TSHZ1: variants seen among roughly 807,000 people sequenced by gnomAD.
The protein encoded by TSHZ1 is teashirt homolog 1.
In TSHZ1, 12 loss-of-function variants were observed where a neutral mutation model predicts 67.1. That is an observed-to-expected ratio of 0.18 (90% CI 0.11 to 0.29). The LOEUF (loss-of-function observed/expected upper bound fraction) is 0.29. TSHZ1 is among the 10% of genes least tolerant of loss of function. TSHZ1 has a pLI of 1.00. For missense variants in TSHZ1, 1,305 were observed against 1,413.9 expected, an observed-to-expected ratio of 0.92 and a Z score of 1.23; for synonymous variants, 632 against 622.4, an observed-to-expected ratio of 1.02 and a Z score of -0.23.
chr18:75,288,642 C>T lies in TSHZ1; in HGVS notation c.*1C>T, dbSNP rs765227721. 55 of 1,583,396 alleles carry T rather than the reference C, an allele frequency of 3.5e-5. No individual in the cohort carries two copies. The highest frequency in any genetic ancestry group is 3.9e-5 in the Non-Finnish European group (45 of 1,165,170). ...TGTGACTGAGTTGGAGAAACAGTAG[C>T]GTCCAGGTATGCAAGAGACCGCGGA... On this transcript the variant is annotated 3_prime_UTR_variant, in exon 2 of 2. Coordinates refer to ENST00000580243, the MANE Select transcript of TSHZ1 (RefSeq NM_001308210.2). This position sits in a 1 kb window ranked among gnomAD's most constrained non-coding sequence, Gnocchi z 4.9.
At chr18:75,244,913 T>C (rs1420613538) in intron 1 of TSHZ1, among the ~76,000 whole-genome samples, 1 of 152,152 alleles carries the variant, frequency 6.6e-6, no homozygotes, top group Non-Finnish European at 1.5e-5. Context: ...CAGCCCTAAA[T>C]ATGTGAACGT....
At chr18:75,231,577 C>G (rs921337360) in intron 1 of TSHZ1, among the ~76,000 whole-genome samples, 1 of 152,206 alleles carries the variant, frequency 6.6e-6, no homozygotes, top group Non-Finnish European at 1.5e-5. Flanking sequence ...GCTCTGTCCC[C>G]AGGCTGGAGT....
rs184763109 is a variant in TSHZ1, at chr18:75,285,728, G to A, written c.321G>A (p.Ser107=). 4.8e-5 allele frequency: 77 copies of A among 1,613,988 alleles called. No homozygotes were observed. Among genetic ancestry groups the A allele is most frequent in the Middle Eastern group, 1.6e-4 (1 of 6,062 alleles). The change falls in exon 2 of 2, where the codon TCG becomes TCA. Residue 107 remains serine (S), a synonymous_variant. Transcript: ENST00000580243. The stretch of plus-strand genomic sequence containing the variant: ...ATCCGCAGTGTCCCGACAGCGTCTC[G>A]TACCCCCAGGACAGCCTGGCACAGA... The part of the protein sequence containing the change: ...KEDPQCPDSV[S]YPQDSLAQIK...
chr18:75,264,982 G>A (rs934804470), intron 1 of TSHZ1, among the ~76,000 whole-genome samples: 1 of 152,184 alleles, frequency 6.6e-6, no homozygotes, highest in Non-Finnish European at 1.5e-5. Flanking sequence ...GTGTTATTAA[G>A]AGAGATTTTT....
At chr18:75,268,129 C>A (rs528631880) in intron 1 of TSHZ1, among the ~76,000 whole-genome samples, 1 of 152,304 alleles carries the variant, frequency 6.6e-6, no homozygotes, top group South Asian at 2.1e-4. Flanking sequence ...TGCTGACTTG[C>A]ACTTTTCTTG....
Position 75,269,852 on chromosome 18 carries a change from GTC to G in TSHZ1, c.41-15592_41-15591del, listed in dbSNP as rs138755091. On this transcript the variant is annotated intron_variant, in intron 1 of 1. Transcript: ENST00000580243. ...CCCAGCAGCCACCGTTCTACCTTCTGTCTCTGTGATGAAGCCTGAGTCGACGT... is the reference window on the plus strand; with the variant it reads ...CCCAGCAGCCACCGTTCTACCTTCTGTCTGTGATGAAGCCTGAGTCGACGT... Among the ~76,000 whole-genome samples, 406 of 152,196 alleles carry G rather than the reference GTC, an allele frequency of 2.7e-3. 3 individuals are homozygous for G. The highest frequency in any genetic ancestry group is 9.2e-3 in the African/African-American group (384 of 41,516).
At chr18:75,228,775 C>G (rs1413784630) in intron 1 of TSHZ1, among the ~76,000 whole-genome samples, 1 of 152,170 alleles carries the variant, frequency 6.6e-6, no homozygotes, top group African/African-American at 2.4e-5. Flanking sequence ...GTCCTCACAT[C>G]TCTAGTCCTT....
intron 1 of TSHZ1, among the ~76,000 whole-genome samples, chr18:75,217,189 GT>G (rs1420185766): frequency 2.0e-5 from 3 of 152,214 alleles, no homozygotes; most frequent in Non-Finnish European, 4.4e-5. Context: ...GGGCTGCTTG[GT>G]TCTTATGAAC....
At chr18:75,261,851 CAACTT>C (rs767654312) in intron 1 of TSHZ1, among the ~76,000 whole-genome samples, 11 of 152,302 alleles carry the variant, frequency 7.2e-5, no homozygotes, top group Non-Finnish European at 1.3e-4. Context: ...CCTTACAAAT[CAACTT>C]AAAGTGTAAT....
intron 1 of TSHZ1, among the ~76,000 whole-genome samples, chr18:75,256,454 T>C (rs1568361764): frequency 6.6e-6 from 1 of 152,152 alleles, no homozygotes; most frequent in African/African-American, 2.4e-5. Context: ...TGAGTCTACT[T>C]CCCCTGGCCT....
At chr18:75,241,190 G>A (rs777272384) in intron 1 of TSHZ1, among the ~76,000 whole-genome samples, 30 of 152,204 alleles carry the variant, frequency 2.0e-4, no homozygotes, top group African/African-American at 7.2e-4. Context: ...GAAGTGGGTC[G>A]TGTCTCTAGT....
rs1378445683 is a variant in TSHZ1 at position 75,211,561 on chromosome 18, AGCGCCCGCTGCT to A, written c.-307_-296del. 2.2e-5 allele frequency: 3 copies of A among 137,868 alleles called. No individual in the cohort carries two copies. Among genetic ancestry groups the A allele is most frequent in the Non-Finnish European group, 4.7e-5 (3 of 63,282 alleles). The allele number at this position is 137,868 out of a possible 1,614,324, so 8.5% of individuals were successfully genotyped here. ...GCGCGGGCCGCGGGCCGGCCCGCCG[AGCGCCCGCTGCT>A]GCGCCCGCGGCCCGCGCCGGGGATG... On this transcript the variant is annotated 5_prime_UTR_variant, in exon 1 of 2. Transcript: ENST00000580243.
intron 1 of TSHZ1, among the ~76,000 whole-genome samples, chr18:75,229,001 G>A (rs1431538925): frequency 6.6e-6 from 1 of 152,270 alleles, no homozygotes; most frequent in Non-Finnish European, 1.5e-5. Context: ...TGCTAATGTT[G>A]TTTTATTTCA....
intron 1 of TSHZ1, among the ~76,000 whole-genome samples, chr18:75,237,768 T>G (rs1443430292): frequency 6.6e-6 from 1 of 150,960 alleles, no homozygotes; most frequent in Non-Finnish European, 1.5e-5. Flanking sequence ...CATTTATGAA[T>G]TAGACTGAAG....
chr18:75,287,287 T>A lies in TSHZ1; in HGVS notation c.1880T>A (p.Leu627His). 1 of 1,613,950 alleles carries A rather than the reference T, an allele frequency of 6.2e-7. No individual in the cohort carries two copies. The highest frequency in any genetic ancestry group is 8.5e-7 in the Non-Finnish European group (1 of 1,179,968). The part of the protein sequence containing the change: ...HNALLHSPGS[L>H]TPPPHKSNVS... ...GCCCTCCTGCACTCCCCAGGGAGCC[T>A]CACGCCCCCACCGCACAAGAGCAAC... Residue 627 changes from leucine (L) to histidine (H), a missense_variant, in exon 2 of 2, where the codon CTC (leucine) becomes CAC (histidine). This residue lies in a region of TSHZ1 where 909 missense variants were observed against 961.8 expected (regional missense o/e 0.95). Transcript: ENST00000580243. This position sits in a 1 kb window ranked among gnomAD's most constrained non-coding sequence, Gnocchi z 5.0.
chr18:75,238,968 A>C (rs1343613334), intron 1 of TSHZ1, among the ~76,000 whole-genome samples: 3 of 152,208 alleles, frequency 2.0e-5, no homozygotes, highest in African/African-American at 7.2e-5. Flanking sequence ...GGCCTCACGC[A>C]CTGTCCAGCT....
intron 1 of TSHZ1, among the ~76,000 whole-genome samples, chr18:75,259,147 T>C (rs1300504553): frequency 6.6e-6 from 1 of 152,130 alleles, no homozygotes; most frequent in East Asian, 1.9e-4. Flanking sequence ...TTCTAAAAAA[T>C]GGAATTCATT....
At chr18:75,244,115 G>T (rs2023192641) in intron 1 of TSHZ1, among the ~76,000 whole-genome samples, 1 of 152,182 alleles carries the variant, frequency 6.6e-6, no homozygotes, top group South Asian at 2.1e-4. Context: ...GTGGAAAGCA[G>T]GTTGAAGACA....
chr18:75,256,279 G>T (rs1033324058), intron 1 of TSHZ1, among the ~76,000 whole-genome samples: 1 of 152,122 alleles, frequency 6.6e-6, no homozygotes, highest in Non-Finnish European at 1.5e-5. Context: ...GCAGTTTTTG[G>T]TAGCAGGGGA....
Sources: gnomAD v4.1 joint callset for allele counts (sites outside exome capture counted in the v4.1 genomes callset) on GRCh38, gnomAD v4.1.1 for gene constraint, gnomAD v4.1.1 regional missense constraint, Gnocchi (gnomAD v3.1) non-coding constraint, MANE v1.5 for transcripts, NCBI Gene and HGNC (gene_info 2026-07-23, HGNC 2026-07-21) for gene names.